Variants in USP43 observed in about 807,000 individuals in gnomAD.
USP43 encodes the protein ubiquitin specific peptidase 43.
A neutral mutation model predicts 90.7 loss-of-function variants in USP43; 33 were observed. That is an observed-to-expected ratio of 0.36 (90% confidence interval 0.28 to 0.49). The LOEUF is 0.49. Among genes scored for constraint, USP43 ranks in the 20% least tolerant of loss-of-function variants. The pLI is 0.98. For missense variants in USP43, 1,274 were observed against 1,476.4 expected (o/e 0.86, Z 2.25); for synonymous variants, 598 against 615.8 (o/e 0.97, Z 0.43).
chr17:9,682,703 G>C, intron 6 of USP43, 120 bp from the exon 7 acceptor site: 1 of 1,311,888 alleles, frequency 7.6e-7, no homozygotes, highest in South Asian at 1.6e-5. Flanking sequence ...GCCCTCTAGT[G>C]GCCCCCCATT....
chr17:9,708,936 T>C (rs896778926), intron 12 of USP43, among the ~76,000 whole-genome samples: 8 of 152,158 alleles, frequency 5.3e-5, no homozygotes, highest in Non-Finnish European at 7.4e-5. Context: ...CTGTTTTTTT[T>C]CCCCCGTTTA....
chr17:9,715,756 T>A (rs1916500680), intron 14 of USP43, among the ~76,000 whole-genome samples: 1 of 149,704 alleles, frequency 6.7e-6, no homozygotes, highest in African/African-American at 2.5e-5. Flanking sequence ...TGTAGGTATG[T>A]GTCTGCGTGT....
chr17:9,687,573 A>G (rs1215948878), intron 8 of USP43, among the ~76,000 whole-genome samples: 1 of 152,212 alleles, frequency 6.6e-6, no homozygotes, highest in Admixed American at 6.5e-5. Flanking sequence ...AATATCAGAA[A>G]CTATTCTGAT....
chr17:9,670,121 C>T (rs562369468), intron 3 of USP43, among the ~76,000 whole-genome samples: 3 of 151,674 alleles, frequency 2.0e-5, no homozygotes, highest in Non-Finnish European at 4.4e-5. Flanking sequence ...TCACTGCAAC[C>T]TCTGCTTCCC....
rs114768088 is a variant in USP43, at chr17:9,709,156, T to G, written c.2012-800T>G. ...CACGTAGAGGGCAAGGAAACGGATA[T>G]TTTGTTGTCGTTACTTGAGAAATGG... On this transcript the variant is annotated intron_variant, in intron 12 of 14. Transcript: ENST00000285199. This position sits in a 1 kb window ranked among gnomAD's most constrained non-coding sequence, Gnocchi z 5.0. 5.4e-3 allele frequency among the ~76,000 whole-genome samples: 820 copies of G among 152,300 alleles called. 10 individuals carry two copies. The highest frequency in any genetic ancestry group is 0.018 in the African/African-American group (758 of 41,576).
chr17:9,653,729 C>G (rs2151962391), intron 1 of USP43, among the ~76,000 whole-genome samples: 1 of 152,154 alleles, frequency 6.6e-6, no homozygotes, highest in African/African-American at 2.4e-5. Context: ...GGTGCTTGGA[C>G]TATTTGGTGG....
chr17:9,673,281 T>C (rs1913558233), intron 3 of USP43, among the ~76,000 whole-genome samples: 1 of 151,990 alleles, frequency 6.6e-6, no homozygotes, highest in Non-Finnish European at 1.5e-5. Flanking sequence ...CTGAAGTGGG[T>C]GGATCACAAG....
At chr17:9,698,029 T>A (rs1389203384) in intron 9 of USP43, among the ~76,000 whole-genome samples, 1 of 152,236 alleles carries the variant, frequency 6.6e-6, no homozygotes, top group Non-Finnish European at 1.5e-5. Context: ...ATAATAGCCA[T>A]CTGCTGATGT....
intron 3 of USP43, among the ~76,000 whole-genome samples, chr17:9,667,443 C>T (rs1913111993): frequency 6.6e-6 from 1 of 152,076 alleles, no homozygotes; most frequent in African/African-American, 2.4e-5. Flanking sequence ...GTTATACAGC[C>T]TTTGACTTCA....
intron 14 of USP43, among the ~76,000 whole-genome samples, chr17:9,715,679 CTGTGTGTATGTG>C (rs1354164409): frequency 1.6e-5 from 2 of 122,144 alleles, no homozygotes; most frequent in East Asian, 2.4e-4. Context: ...GTGTGTGTGT[CTGTGTGTATGTG>C]TGTGTGTCTG....
At chr17:9,710,419 GTATGTAA>G (rs1241425496) in intron 13 of USP43, among the ~76,000 whole-genome samples, 1 of 150,156 alleles carries the variant, frequency 6.7e-6, no homozygotes, top group African/African-American at 2.5e-5. Context: ...TTTTTGAGGT[GTATGTAA>G]TGTAAACTGA....
chr17:9,703,177 A>ATT (rs759991039), intron 12 of USP43, among the ~76,000 whole-genome samples: 3 of 143,916 alleles, frequency 2.1e-5, no homozygotes, highest in African/African-American at 5.1e-5. Flanking sequence ...TGTTACTCAG[A>ATT]TTTTTTTTTT....
intron 9 of USP43, 21 bp from the exon 10 acceptor site, chr17:9,700,151 G>A (rs771349225): frequency 1.1e-5 from 18 of 1,584,968 alleles, no homozygotes; most frequent in Non-Finnish European, 1.3e-5. Context: ...TTTCTGATGG[G>A]CTCCCTTGTT....
chr17:9,682,003 G>A (rs1188629196), intron 6 of USP43, among the ~76,000 whole-genome samples: 2 of 152,138 alleles, frequency 1.3e-5, no homozygotes, highest in African/African-American at 4.8e-5. Context: ...AGTGAAACAA[G>A]TTCTCCTTTC....
chr17:9,720,282 C>T (rs1391927674), intron 14 of USP43, among the ~76,000 whole-genome samples: 4 of 134,350 alleles, frequency 3.0e-5, no homozygotes, highest in Admixed American at 7.9e-5. Context: ...GCCGAGGTTG[C>T]GCCACTGCAC....
intron 14 of USP43, among the ~76,000 whole-genome samples, chr17:9,714,508 C>T (rs936747149): frequency 7.0e-5 from 10 of 142,064 alleles, no homozygotes; most frequent in South Asian, 2.2e-4. Flanking sequence ...GGTGAAACCC[C>T]GTCTCTACTA....
chr17:9,694,687 A>G (rs1439608020), intron 9 of USP43, among the ~76,000 whole-genome samples: 5 of 151,994 alleles, frequency 3.3e-5, no homozygotes, highest in Admixed American at 2.0e-4. Context: ...CAGTGGCGCC[A>G]TCTCGGCTCC....
At position 9,682,870 on chromosome 17, in the gene USP43, G is replaced by C. The variant is rs375238546; in HGVS notation, c.1153G>C (p.Gly385Arg). The C allele has an allele frequency of 4.3e-6, 7 of 1,613,982 alleles. No individual in the cohort carries two copies. The East Asian group carries it at 1.3e-4, about 31-fold the overall frequency. ...CTCCCCACGCCTGGCAGCCCGTGAG[G>C]GCCAGCGATTCTCCCTCTCTCTCCA... ...SASPRLAARE[G>R]QRFSLSLHSE... Residue 385 changes from glycine (G) to arginine (R), a missense_variant, in exon 7 of 15, where the codon GGC becomes CGC. Around this residue, in one of 6 missense-constraint regions of USP43, gnomAD observed 253 missense variants for 276.0 expected, o/e 0.92. Transcript: ENST00000285199.
rs1202413675 is a variant in USP43 at position 9,666,667 on chromosome 17, A to G, written c.656A>G (p.Lys219Arg). 6.2e-7 allele frequency: 1 copy of G among 1,612,994 alleles called. No homozygotes were observed. The highest frequency in any genetic ancestry group is 1.3e-5 in the African/African-American group (1 of 74,848). Residue 219 changes from lysine (K) to arginine (R), a missense_variant, in exon 3 of 15, where the codon AAA becomes AGA. This residue lies in a region of USP43 where 259 missense variants were observed against 373.7 expected (regional missense o/e 0.69). Transcript: ENST00000285199. ...TTGCAGCTTCCGCCTGAAGCCACTA[A>G]AACCTCTGAGAACTGCCTGTCACCA... ...VSEKLPPEAT[K>R]TSENCLSPSA...
Sources: allele counts gnomAD v4.1 joint callset (sites outside exome capture counted in the v4.1 genomes callset), GRCh38; gene constraint gnomAD v4.1.1; regional missense constraint gnomAD v4.1.1; non-coding constraint Gnocchi (gnomAD v3.1); transcripts MANE v1.5; gene names NCBI Gene and HGNC (gene_info 2026-07-23, HGNC 2026-07-21).